Variants in ZNF473 observed in about 807,000 individuals in gnomAD.
ZNF473 encodes zinc finger protein 100 homolog.
A neutral mutation model predicts 11.1 loss-of-function variants in ZNF473; 4 were observed. The observed-to-expected ratio is 0.36, with a 90% confidence interval of 0.18 to 0.82. ZNF473 has a LOEUF of 0.82. ZNF473 is among the 40% of genes least tolerant of loss of function. ZNF473 has a pLI of 0.49. For missense variants in ZNF473, 854 were observed against 1,084.0 expected (o/e 0.79, Z 2.98); for synonymous variants, 404 against 390.4 (o/e 1.03, Z -0.41).
chr19:50,029,577 C>T (rs2077306287), intron 1 of ZNF473, among the ~76,000 whole-genome samples: 1 of 152,198 alleles, frequency 6.6e-6, no homozygotes. Flanking sequence ...TTAAGTGATC[C>T]GTGCTGCTTT....
chr19:50,041,888 A>C, intron 4 of ZNF473, 69 bp downstream of exon 4: 2 of 1,315,878 alleles, frequency 1.5e-6, no homozygotes, highest in Non-Finnish European at 2.1e-6. Context: ...GGCTGCAGCC[A>C]GCTTTCCCAC....
At chr19:50,029,466 AATATGCCATGT>A (rs2077305592) in intron 1 of ZNF473, among the ~76,000 whole-genome samples, 1 of 152,230 alleles carries the variant, frequency 6.6e-6, no homozygotes, top group Non-Finnish European at 1.5e-5. Context: ...ATTTTAATGA[AATATGCCATGT>A]ATATGCCATA....
chr19:50,028,118 G>A (rs1221379154), intron 1 of ZNF473, among the ~76,000 whole-genome samples: 3 of 152,006 alleles, frequency 2.0e-5, no homozygotes, highest in Non-Finnish European at 4.4e-5. Flanking sequence ...CTAACACGGT[G>A]AAACTCCGTC....
At chr19:50,033,570 G>A (rs1260049215) in intron 2 of ZNF473, among the ~76,000 whole-genome samples, 1 of 152,140 alleles carries the variant, frequency 6.6e-6, no homozygotes, top group African/African-American at 2.4e-5. Context: ...CTGTTTCAGG[G>A]TCTTACTGCT....
intron 1 of ZNF473, among the ~76,000 whole-genome samples, chr19:50,030,339 C>G (rs1234321475): frequency 6.6e-6 from 1 of 152,060 alleles, no homozygotes; most frequent in Non-Finnish European, 1.5e-5. Flanking sequence ...AGATCCTGTC[C>G]CTACAAAAAG....
intron 1 of ZNF473, among the ~76,000 whole-genome samples, chr19:50,028,554 A>G (rs1004104099): frequency 2.0e-5 from 3 of 151,680 alleles, no homozygotes; most frequent in Admixed American, 1.3e-4. Context: ...TACGTTGCCC[A>G]GGCTGGTCTC....
chr19:50,035,491 T>TGTGTGTGTG (rs1600754167), intron 2 of ZNF473, among the ~76,000 whole-genome samples: 2 of 51,276 alleles, frequency 3.9e-5, no homozygotes, highest in South Asian at 6.0e-4. Flanking sequence ...GTGTGTGTGT[T>TGTGTGTGTG]TGGCTGTTCT....
At chr19:50,028,005 T>C (rs955286098) in intron 1 of ZNF473, among the ~76,000 whole-genome samples, 1 of 151,902 alleles carries the variant, frequency 6.6e-6, no homozygotes, top group Admixed American at 6.5e-5. Flanking sequence ...TAAACTTAAA[T>C]TTAATTTTTT....
At chr19:50,042,426 G>A (rs1978826381) in intron 4 of ZNF473, 2 of 152,266 alleles carry the variant, frequency 1.3e-5, no homozygotes, top group Admixed American at 6.5e-5. Flanking sequence ...AGGAATCTCA[G>A]GCTGTACCCC....
chr19:50,038,369 C>G (rs1978585810), intron 2 of ZNF473, among the ~76,000 whole-genome samples: 1 of 151,940 alleles, frequency 6.6e-6, no homozygotes, highest in South Asian at 2.1e-4. Context: ...CCAAGCGGAC[C>G]TGGTACCTAA....
At chr19:50,037,413 G>T (rs1978509475) in intron 2 of ZNF473, among the ~76,000 whole-genome samples, 1 of 152,156 alleles carries the variant, frequency 6.6e-6, no homozygotes, top group South Asian at 2.1e-4. Context: ...CCACACTGAT[G>T]GAGATTTGGA....
Position 50,046,210 on chromosome 19 carries a change from G to A in ZNF473, c.1767G>A (p.Lys589=). The change falls in exon 5 of 5, where the codon AAG becomes AAA. Residue 589 remains lysine (K), a synonymous_variant. Coordinates refer to ENST00000270617, the MANE Select transcript of ZNF473 (RefSeq NM_015428.4). The surrounding 1 kb of genome is among the most constrained non-coding windows in gnomAD (Gnocchi z 5.9). The part of the protein sequence containing the change: ...QHERIHTRGV[K]PFECDQCGKA... ...AGAGGATTCACACCAGGGGAGTGAA[G>A]CCCTTTGAATGTGACCAGTGTGGGA... 1 of 1,614,166 alleles carries A rather than the reference G, an allele frequency of 6.2e-7. No individual in the cohort carries two copies. The highest frequency in any genetic ancestry group is 8.5e-7 in the Non-Finnish European group (1 of 1,180,028).
At position 50,041,777 on chromosome 19, in the gene ZNF473, C is replaced by G; in HGVS notation, c.184C>G (p.Leu62Val). Residue 62 changes from leucine to valine, a missense_variant, in exon 4 of 5, where the codon CTG becomes GTG. Leu to Val is a conservative substitution (Grantham distance 32). Around this residue, in one of 2 missense-constraint regions of ZNF473, gnomAD observed 668 missense variants for 790.2 expected, o/e 0.85. Coordinates refer to ENST00000270617, the MANE Select transcript of ZNF473 (RefSeq NM_015428.4). ...LTSHPDGSED[L>V]EPLAGGSPEA... ...CTCCCACCCAGATGGCAGTGAAGAT[C>G]TGGAGCCTCTGGCAGGAGGAAGCCC... 2 of 1,613,200 alleles carry G rather than the reference C, an allele frequency of 1.2e-6. No homozygotes were observed. Among genetic ancestry groups the G allele is most frequent in the African/African-American group, 1.3e-5 (1 of 74,914 alleles).
intron 1 of ZNF473, among the ~76,000 whole-genome samples, chr19:50,027,904 G>A (rs1041736905): frequency 3.3e-5 from 5 of 152,138 alleles, no homozygotes; most frequent in Non-Finnish European, 7.3e-5. Flanking sequence ...GATCAGGCTG[G>A]TCTTGGACTC....
intron 2 of ZNF473, among the ~76,000 whole-genome samples, chr19:50,034,533 G>A (rs1281701407): frequency 1.3e-5 from 2 of 151,160 alleles, no homozygotes; most frequent in Non-Finnish European, 2.9e-5. Context: ...GAAGTCCTTC[G>A]TGGGCTCTGT....
intron 2 of ZNF473, among the ~76,000 whole-genome samples, chr19:50,038,245 GCA>G (rs1474100341): frequency 1.3e-5 from 2 of 148,470 alleles, no homozygotes; most frequent in Non-Finnish European, 1.5e-5. Context: ...ATATATACAT[GCA>G]CACACACATA....
At chr19:50,034,423 A>G (rs1414889488) in intron 2 of ZNF473, among the ~76,000 whole-genome samples, 2 of 152,146 alleles carry the variant, frequency 1.3e-5, no homozygotes, top group South Asian at 2.1e-4. Flanking sequence ...TTTTATTGTA[A>G]AATCACAGGT....
intron 3 of ZNF473, chr19:50,041,442 C>T: frequency 4.1e-6 from 1 of 242,876 alleles, no homozygotes; most frequent in Admixed American, 5.6e-5. Context: ...CTCCACCTGG[C>T]AGATCCTGCC....
At chr19:50,029,039 T>A (rs112293500) in intron 1 of ZNF473, among the ~76,000 whole-genome samples, 118 of 152,256 alleles carry the variant, frequency 7.8e-4, no homozygotes, top group Non-Finnish European at 1.4e-3. Context: ...AATATAACTT[T>A]AAATTATTCT....
Sources: gnomAD v4.1 joint callset for allele counts (sites outside exome capture counted in the v4.1 genomes callset) on GRCh38, gnomAD v4.1.1 for gene constraint, gnomAD v4.1.1 regional missense constraint, Gnocchi (gnomAD v3.1) non-coding constraint, MANE v1.5 for transcripts, NCBI Gene and HGNC (gene_info 2026-07-23, HGNC 2026-07-21) for gene names.